MYO3A: variants seen among roughly 807,000 people sequenced by gnomAD.
The protein encoded by MYO3A is myosin-IIIa.
A neutral mutation model predicts 192.7 loss-of-function variants in MYO3A; 180 were observed. The ratio of observed to expected loss-of-function variants is 0.93; its 90% CI spans 0.83 to 1.06. The LOEUF (loss-of-function observed/expected upper bound fraction) is 1.06, where lower values mean the gene tolerates loss of function less well. MYO3A is among the 50% of genes least tolerant of loss of function. MYO3A has a pLI of 0.00. For synonymous variants in MYO3A, 628 were observed against 645.3 expected, an observed-to-expected ratio of 0.97 and a Z score of 0.41; for missense variants, 1,896 against 1,905.0, an observed-to-expected ratio of 1.00 and a Z score of 0.09.
chr10:26,077,248 T>A, intron 14 of MYO3A, among the ~76,000 whole-genome samples: 1 of 144,746 alleles, frequency 6.9e-6, no homozygotes, highest in African/African-American at 2.5e-5. Flanking sequence ...TTTTTTTTTT[T>A]TTTTTTTGCA....
At chr10:26,161,601 G>A (rs758265893) in intron 26 of MYO3A, among the ~76,000 whole-genome samples, 2 of 152,152 alleles carry the variant, frequency 1.3e-5, no homozygotes, top group Non-Finnish European at 2.9e-5. Context: ...CTTATTCAAA[G>A]TTACTTGAGT....
intron 34 of MYO3A, among the ~76,000 whole-genome samples, chr10:26,211,267 C>T (rs1251609938): frequency 1.3e-5 from 2 of 152,188 alleles, no homozygotes; most frequent in African/African-American, 4.8e-5. Flanking sequence ...TGAAGGTAAA[C>T]ATTGGCAGGG....
chr10:26,154,012 A>G (rs1028709248), intron 24 of MYO3A, 83 bp downstream of exon 24: 11 of 1,031,574 alleles, frequency 1.1e-5, no homozygotes, highest in South Asian at 1.4e-5. Flanking sequence ...CTCAAAGTCA[A>G]CAGTTTTTTT....
intron 14 of MYO3A, among the ~76,000 whole-genome samples, chr10:26,081,835 C>T (rs1251871381): frequency 6.6e-6 from 1 of 152,198 alleles, no homozygotes; most frequent in Non-Finnish European, 1.5e-5. Flanking sequence ...TTCACCTTCT[C>T]AGCTTCTCCA....
chr10:26,176,854 C>T lies in MYO3A; in HGVS notation c.4438+9C>T. Reference sequence around the variant, plus strand: ...TCAGCAGTGCCTCTCAGGTAAAAATCAGTAGAGTTAGAACTTCCTGAATGG... The same window carrying T: ...TCAGCAGTGCCTCTCAGGTAAAAATTAGTAGAGTTAGAACTTCCTGAATGG... On this transcript the variant is annotated intron_variant, in intron 31 of 34. Transcript: ENST00000642920. 6.2e-7 allele frequency: 1 copy of T among 1,613,714 alleles called. No homozygotes were observed. The highest frequency in any genetic ancestry group is 2.2e-5 in the East Asian group (1 of 44,876).
At chr10:25,948,418 T>G (rs1836999833) in intron 2 of MYO3A, among the ~76,000 whole-genome samples, 1 of 152,166 alleles carries the variant, frequency 6.6e-6, no homozygotes, top group South Asian at 2.1e-4. Flanking sequence ...AATGTAGCTT[T>G]GCTAGTACCT....
chr10:26,060,987 G>A (rs1374466316), intron 10 of MYO3A, among the ~76,000 whole-genome samples: 2 of 151,886 alleles, frequency 1.3e-5, no homozygotes, highest in African/African-American at 4.8e-5. Context: ...GGAGTGCAGG[G>A]GTGCAATCTC....
At chr10:25,998,869 A>G (rs1400658877) in intron 6 of MYO3A, among the ~76,000 whole-genome samples, 1 of 152,140 alleles carries the variant, frequency 6.6e-6, no homozygotes, top group Non-Finnish European at 1.5e-5. Context: ...TAGATAACAA[A>G]TAAGGCAACC....
Position 26,067,912 on chromosome 10 carries a change from T to A in MYO3A, c.1053+838T>A, listed in dbSNP as rs115039965. Among the ~76,000 whole-genome samples, 403 of 152,296 alleles carry A rather than the reference T, an allele frequency of 2.6e-3. 2 individuals are homozygous for A. Among genetic ancestry groups the A allele is most frequent in the African/African-American group, 9.5e-3 (393 of 41,560 alleles). ...TACCAATCAAGAGGTAAGTTCTGAA[T>A]AGAGGTAGTCATTTGGTAAATTTAG... On this transcript the variant is annotated intron_variant, in intron 11 of 34. Coordinates refer to ENST00000642920, the MANE Select transcript of MYO3A (RefSeq NM_017433.5).
chr10:26,154,025 T>C, intron 24 of MYO3A, 96 bp downstream of exon 24: 1 of 910,256 alleles, frequency 1.1e-6, no homozygotes, highest in Non-Finnish European at 1.8e-6. Flanking sequence ...GTTTTTTTCT[T>C]AGTTTTTCTC....
intron 20 of MYO3A, among the ~76,000 whole-genome samples, chr10:26,131,539 A>G (rs574001334): frequency 6.6e-6 from 1 of 152,322 alleles, no homozygotes; most frequent in Admixed American, 6.5e-5. Flanking sequence ...TCCCATGGAC[A>G]GTTACTATAT....
chr10:25,984,116 A>G (rs1034380710), intron 4 of MYO3A, among the ~76,000 whole-genome samples: 2 of 152,240 alleles, frequency 1.3e-5, no homozygotes, highest in African/African-American at 4.8e-5. Flanking sequence ...GGAGCTCTAA[A>G]TCTTGAAACA....
At chr10:26,159,262 T>C (rs1172305679) in intron 26 of MYO3A, among the ~76,000 whole-genome samples, 1 of 151,778 alleles carries the variant, frequency 6.6e-6, no homozygotes, top group South Asian at 2.1e-4. Flanking sequence ...AGTGCTGGAA[T>C]TCCAGGCATG....
At chr10:26,014,528 A>C (rs968897807) in intron 6 of MYO3A, among the ~76,000 whole-genome samples, 2 of 152,172 alleles carry the variant, frequency 1.3e-5, no homozygotes, top group African/African-American at 4.8e-5. Context: ...CTTCACAGAA[A>C]TATCCAGAAT....
At chr10:26,038,336 C>T (rs1843148378) in intron 10 of MYO3A, among the ~76,000 whole-genome samples, 1 of 152,164 alleles carries the variant, frequency 6.6e-6, no homozygotes, top group Non-Finnish European at 1.5e-5. Context: ...AATCCATAAA[C>T]ATGGAATATC....
At chr10:26,045,778 A>G (rs1356097685) in intron 10 of MYO3A, among the ~76,000 whole-genome samples, 1 of 152,132 alleles carries the variant, frequency 6.6e-6, no homozygotes, top group Non-Finnish European at 1.5e-5. Context: ...CTGCCCGTAA[A>G]GAAATTATCT....
intron 14 of MYO3A, among the ~76,000 whole-genome samples, chr10:26,080,487 T>G (rs1274294256): frequency 6.6e-6 from 1 of 151,802 alleles, no homozygotes. Context: ...GTTCCCTCCC[T>G]GATTAGCTTA....
rs201033926 is a variant in MYO3A at position 26,143,460 on chromosome 10, A to T, written c.2275A>T (p.Asn759Tyr). Reference sequence around the variant, plus strand: ...GTCTTTATTATAGAATGAATACCTAAATGAAGATGTGGATGCTAGAGTTAT... The same window carrying T: ...GTCTTTATTATAGAATGAATACCTATATGAAGATGTGGATGCTAGAGTTAT... Reference protein sequence around the residue: ...VFAWEQNEYLNEDVDARVIEY... With the variant: ...VFAWEQNEYLYEDVDARVIEY... The change falls in exon 21 of 35, where the codon AAT (asparagine) becomes TAT (tyrosine). Residue 759 changes from asparagine to tyrosine, a missense_variant. Coordinates refer to ENST00000642920, the MANE Select transcript of MYO3A (RefSeq NM_017433.5). The T allele has an allele frequency of 5.8e-4, 931 of 1,612,100 alleles. No homozygotes were observed. Among genetic ancestry groups the T allele is most frequent in the Non-Finnish European group, 7.3e-4 (856 of 1,178,234 alleles).
At chr10:26,010,453 T>G (rs992531073) in intron 6 of MYO3A, among the ~76,000 whole-genome samples, 5 of 136,780 alleles carry the variant, frequency 3.7e-5, no homozygotes, top group South Asian at 2.2e-4. Flanking sequence ...AGTAGTTGTT[T>G]TTTTTTTTTT....
Sources: allele counts gnomAD v4.1 joint callset (sites outside exome capture counted in the v4.1 genomes callset), GRCh38; gene constraint gnomAD v4.1.1; transcripts MANE v1.5; gene names NCBI Gene and HGNC (gene_info 2026-07-23, HGNC 2026-07-21).